Variants in TSPEAR observed in about 807,000 individuals in gnomAD.
The protein encoded by TSPEAR is thrombospondin-type laminin G domain and EAR repeat-containing protein.
A neutral mutation model predicts 71.6 loss-of-function variants in TSPEAR; 69 were observed. That is an observed-to-expected ratio of 0.96 (90% CI 0.79 to 1.18). The LOEUF (loss-of-function observed/expected upper bound fraction) is 1.18, where lower values mean the gene tolerates loss of function less well. Ranked by LOEUF, TSPEAR falls within the 50% of genes most tolerant of loss-of-function variation. The pLI, the probability that TSPEAR is intolerant of heterozygous loss-of-function variation, is 0.00. For synonymous variants in TSPEAR, 402 were observed against 387.2 expected, an observed-to-expected ratio of 1.04 and a Z score of -0.45; for missense variants, 971 against 894.9, an observed-to-expected ratio of 1.09 and a Z score of -1.09.
intron 1 of TSPEAR, among the ~76,000 whole-genome samples, chr21:44,629,984 G>T (rs1394705053): frequency 6.6e-6 from 1 of 152,200 alleles, no homozygotes; most frequent in Non-Finnish European, 1.5e-5. Flanking sequence ...TGTCGCGGGG[G>T]TCAGGAGCAT....
rs536731938 is a variant in TSPEAR at position 44,687,151 on chromosome 21, G to A, written c.82+24282C>T. 2.4e-3 allele frequency among the ~76,000 whole-genome samples: 365 copies of A among 152,346 alleles called. 1 individual carries two copies. Among genetic ancestry groups the A allele is most frequent in the Non-Finnish European group, 3.4e-3 (229 of 68,018 alleles). On this transcript the variant is annotated intron_variant, in intron 1 of 11. Transcript: ENST00000323084. The surrounding 1 kb of genome is among the most constrained non-coding windows in gnomAD (Gnocchi z 4.4). ...GGGAACCTGGTGGCTGCCTTCGGGT[G>A]TCAGAAGGGCTTTCCCCCAGCACGC...
chr21:44,698,057 C>T, intron 1 of TSPEAR: 2 of 1,288,770 alleles, frequency 1.6e-6, no homozygotes, highest in Non-Finnish European at 2.1e-6. Flanking sequence ...GTGTCTGTCT[C>T]TTCCTTGGAG....
chr21:44,510,642 C>T (rs782752753), intron 9 of TSPEAR: 2 of 152,294 alleles, frequency 1.3e-5, no homozygotes, highest in African/African-American at 4.8e-5. Context: ...GGCCCAACGT[C>T]AACGTGCGTT....
chr21:44,634,160 G>T (rs1224384399), intron 1 of TSPEAR, among the ~76,000 whole-genome samples: 2 of 152,136 alleles, frequency 1.3e-5, no homozygotes, highest in Non-Finnish European at 2.9e-5. Context: ...GAGGTGGGAG[G>T]ATCACTTAAG....
chr21:44,589,604 G>A (rs1979617870), intron 1 of TSPEAR, among the ~76,000 whole-genome samples: 1 of 152,232 alleles, frequency 6.6e-6, no homozygotes, highest in Non-Finnish European at 1.5e-5. Context: ...CTCTGATGAA[G>A]CAGAAGACAC....
rs75859602 is a variant in TSPEAR at position 44,511,405 on chromosome 21, C to T, written c.1567-2019G>A. On this transcript the variant is annotated intron_variant, in intron 9 of 11. Transcript: ENST00000323084. The stretch of plus-strand genomic sequence containing the variant: ...TTACATTTTTACATGCACAGATGCA[C>T]ATGCATGCCTGTACACATGTGGATA... Among the ~76,000 whole-genome samples, 1,423 of 152,334 alleles carry T rather than the reference C, an allele frequency of 9.3e-3. 13 individuals are homozygous for T. The highest frequency in any genetic ancestry group is 0.012 in the Non-Finnish European group (813 of 68,030).
chr21:44,662,402 C>A (rs1985541705), intron 1 of TSPEAR, among the ~76,000 whole-genome samples: 1 of 152,124 alleles, frequency 6.6e-6, no homozygotes, highest in South Asian at 2.1e-4. Context: ...AGGAATATTA[C>A]ATAATGATAA....
intron 1 of TSPEAR, chr21:44,647,755 T>G: frequency 8.4e-6 from 2 of 239,472 alleles, no homozygotes; most frequent in Non-Finnish European, 1.7e-5. Flanking sequence ...GGACAGTGTC[T>G]CTCATTCCGA....
intron 11 of TSPEAR, among the ~76,000 whole-genome samples, chr21:44,501,031 C>T (rs782463466): frequency 1.3e-5 from 2 of 152,198 alleles, no homozygotes; most frequent in Non-Finnish European, 2.9e-5. Flanking sequence ...ATCCATATAA[C>T]ATTTATTTTT....
At chr21:44,517,244 A>G (rs956966847) in intron 9 of TSPEAR, 18 of 154,516 alleles carry the variant, frequency 1.2e-4, no homozygotes, top group Non-Finnish European at 2.9e-5. Context: ...CTTTGGGTGG[A>G]GCCACCACTT....
chr21:44,638,249 C>T, intron 1 of TSPEAR: 1 of 1,532,982 alleles, frequency 6.5e-7, no homozygotes, highest in Non-Finnish European at 8.8e-7. Context: ...TCTGCCCTCT[C>T]TGGCTTTGAC....
intron 9 of TSPEAR, chr21:44,518,654 C>A: frequency 8.5e-6 from 4 of 470,838 alleles, no homozygotes; most frequent in Non-Finnish European, 1.8e-5. Flanking sequence ...CTCAAGACCC[C>A]CTGGAGGCCC....
At position 44,526,074 on chromosome 21, in the gene TSPEAR, A is replaced by C. The variant is rs1395121016; in HGVS notation, c.1150-235T>G. On this transcript the variant is annotated intron_variant, in intron 7 of 11. Coordinates refer to ENST00000323084, the MANE Select transcript of TSPEAR (RefSeq NM_144991.3). ...TCCATATTCTTTACCCAATATTTCC[A>C]CTTCTATTGCTATCTGAAGGCAAAA... The C allele has an allele frequency of 1.4e-5, 6 of 425,488 alleles. No homozygotes were observed. The East Asian group carries it at 2.0e-4, about 14-fold the overall frequency. The allele number at this position is 425,488 out of a possible 1,614,324, so 26.4% of individuals were successfully genotyped here.
chr21:44,598,679 C>G (rs797030008), intron 1 of TSPEAR, among the ~76,000 whole-genome samples: 1 of 152,172 alleles, frequency 6.6e-6, no homozygotes, highest in Non-Finnish European at 1.5e-5. Context: ...TCCTTCTCAC[C>G]TTTTATTGTT....
At chr21:44,600,709 G>T in intron 1 of TSPEAR, 2 of 1,613,270 alleles carry the variant, frequency 1.2e-6, no homozygotes, top group South Asian at 2.2e-5. Flanking sequence ...CTCTTGCTCC[G>T]ACTCCTGGCA....
intron 1 of TSPEAR, among the ~76,000 whole-genome samples, chr21:44,657,310 A>G (rs992966965): frequency 6.6e-6 from 1 of 152,192 alleles, no homozygotes; most frequent in Non-Finnish European, 1.5e-5. Flanking sequence ...TGTTGCATTA[A>G]CAAATAACTT....
chr21:44,652,877 C>T (rs587662068), intron 1 of TSPEAR, among the ~76,000 whole-genome samples: 4 of 152,244 alleles, frequency 2.6e-5, no homozygotes, highest in South Asian at 2.1e-4. Flanking sequence ...AGTCTTCTGG[C>T]GGGGTGTGGT....
chr21:44,660,276 G>A (rs1470467210), intron 1 of TSPEAR, among the ~76,000 whole-genome samples: 2 of 152,050 alleles, frequency 1.3e-5, no homozygotes, highest in Admixed American at 6.5e-5. Context: ...CAAAAAGTTC[G>A]GAGAACCCCA....
intron 2 of TSPEAR, chr21:44,551,338 G>C (rs372107705): frequency 6.2e-6 from 10 of 1,613,066 alleles, no homozygotes; most frequent in Non-Finnish European, 8.5e-6. Flanking sequence ...GTCAGGCAGG[G>C]GGCTGGGGCA....
Sources: allele counts gnomAD v4.1 joint callset (sites outside exome capture counted in the v4.1 genomes callset), GRCh38; gene constraint gnomAD v4.1.1; non-coding constraint Gnocchi (gnomAD v3.1); transcripts MANE v1.5; gene names NCBI Gene and HGNC (gene_info 2026-07-23, HGNC 2026-07-21).